The following TNR variants were observed in gnomAD, a reference collection of about 807,000 sequenced individuals.
TNR encodes the protein tenascin-R.
Under a neutral mutation model 150.4 loss-of-function variants are expected in TNR, and 45 were observed. The observed-to-expected ratio is 0.30, with a 90% confidence interval of 0.24 to 0.38. The LOEUF (loss-of-function observed/expected upper bound fraction) is 0.38, where lower values mean the gene tolerates loss of function less well. TNR is among the 10% of genes least tolerant of loss of function. TNR has a pLI of 1.00. For missense variants in TNR, 1,544 were observed against 1,759.1 expected, an observed-to-expected ratio of 0.88 and a Z score of 2.19; for synonymous variants, 687 against 678.4, an observed-to-expected ratio of 1.01 and a Z score of -0.20.
chr1:175,612,145 G>A lies in TNR; in HGVS notation c.-164-83776C>T, dbSNP rs191099367. On this transcript the variant is annotated intron_variant, in intron 1 of 22. Transcript: ENST00000367674. The stretch of plus-strand genomic sequence containing the variant: ...GCAGCCCACAGGTTGGGTTTTTGGG[G>A]GAGCACTGGCCTGGATTCCCTTGCC... 1.3e-3 allele frequency among the ~76,000 whole-genome samples: 197 copies of A among 152,178 alleles called. 1 individual carries two copies. Among genetic ancestry groups the A allele is most frequent in the Admixed American group, 0.011 (167 of 15,286 alleles).
intron 1 of TNR, among the ~76,000 whole-genome samples, chr1:175,687,904 G>C (rs1182618089): frequency 6.6e-6 from 1 of 151,266 alleles, no homozygotes; most frequent in Non-Finnish European, 1.5e-5. Flanking sequence ...CCAGCAAGCT[G>C]GGCGTGAATA....
intron 2 of TNR, among the ~76,000 whole-genome samples, chr1:175,476,865 A>G (rs1387279853): frequency 6.6e-6 from 1 of 152,184 alleles, no homozygotes. Flanking sequence ...ACTCATAACT[A>G]TTGGTCTTTA....
intron 2 of TNR, among the ~76,000 whole-genome samples, chr1:175,511,094 CAG>C (rs2102159242): frequency 6.6e-6 from 1 of 152,298 alleles, no homozygotes; most frequent in East Asian, 1.9e-4. Context: ...CCAACAGAAC[CAG>C]AGTGTGGGCC....
chr1:175,344,368 C>A (rs1340273317), intron 18 of TNR, among the ~76,000 whole-genome samples: 1 of 152,146 alleles, frequency 6.6e-6, no homozygotes, highest in Non-Finnish European at 1.5e-5. Context: ...AGGAAGTTGA[C>A]ACTAATTGGC....
chr1:175,328,113 CACAAAA>C (rs956916339), intron 21 of TNR, among the ~76,000 whole-genome samples: 4 of 152,066 alleles, frequency 2.6e-5, no homozygotes, highest in Non-Finnish European at 5.9e-5. Context: ...ATCTCAAAAA[CACAAAA>C]ACAAAAACAG....
intron 2 of TNR, among the ~76,000 whole-genome samples, chr1:175,505,044 G>GC (rs11409608): frequency 1 from 152,294 of 152,320 alleles, 76,134 homozygotes; most frequent in Middle Eastern, 1. Context: ...GGACTGTGTT[G>GC]GATTCCCGCC....
chr1:175,675,643 C>T (rs1558067496), intron 1 of TNR, among the ~76,000 whole-genome samples: 1 of 152,224 alleles, frequency 6.6e-6, no homozygotes, highest in African/African-American at 2.4e-5. Context: ...TTCATAGGTA[C>T]ATGACCTGAA....
intron 2 of TNR, among the ~76,000 whole-genome samples, chr1:175,459,102 A>C (rs1318198308): frequency 5.4e-5 from 8 of 148,822 alleles, no homozygotes; most frequent in African/African-American, 1.0e-4. Context: ...AATACCACCA[A>C]TATTATTACC....
At chr1:175,722,702 C>T (rs1053345794) in intron 1 of TNR, among the ~76,000 whole-genome samples, 2 of 152,062 alleles carry the variant, frequency 1.3e-5, no homozygotes, top group African/African-American at 2.4e-5. Context: ...TGAGCTCAAG[C>T]AATTTGCCTG....
intron 20 of TNR, among the ~76,000 whole-genome samples, chr1:175,331,835 G>A (rs1038004908): frequency 6.6e-6 from 1 of 152,184 alleles, no homozygotes; most frequent in Non-Finnish European, 1.5e-5. Context: ...TCTGTTTTGC[G>A]GAAGAGGAAG....
chr1:175,602,599 G>A (rs1001922213), intron 1 of TNR, among the ~76,000 whole-genome samples: 1 of 152,212 alleles, frequency 6.6e-6, no homozygotes, highest in African/African-American at 2.4e-5. Flanking sequence ...CTCTTGCATT[G>A]AGGAATAATA....
intron 1 of TNR, among the ~76,000 whole-genome samples, chr1:175,592,410 G>T (rs1236256388): frequency 6.6e-6 from 1 of 152,254 alleles, no homozygotes; most frequent in Non-Finnish European, 1.5e-5. Flanking sequence ...CTTTATGTTG[G>T]TTGTCAGCGG....
chr1:175,411,194 C>T (rs867449629), intron 2 of TNR, among the ~76,000 whole-genome samples: 1 of 152,066 alleles, frequency 6.6e-6, no homozygotes, highest in Non-Finnish European at 1.5e-5. Context: ...ATGAAAGTTA[C>T]CTGGGTGTCA....
chr1:175,417,946 A>G (rs182994750), intron 2 of TNR, among the ~76,000 whole-genome samples: 57 of 152,318 alleles, frequency 3.7e-4, no homozygotes, highest in African/African-American at 1.2e-3. Context: ...AGTGGTCTAA[A>G]TGAGTTATTT....
At chr1:175,356,174 T>C in intron 16 of TNR, 145 bp downstream of exon 16, 1 of 1,136,974 alleles carries the variant, frequency 8.8e-7, no homozygotes, top group Non-Finnish European at 1.2e-6. Context: ...TTTCACTGAA[T>C]TTGGGCTGTA....
At chr1:175,598,734 C>T (rs1344137657) in intron 1 of TNR, among the ~76,000 whole-genome samples, 1 of 152,188 alleles carries the variant, frequency 6.6e-6, no homozygotes, top group East Asian at 1.9e-4. Context: ...ACATCTGACC[C>T]TGCTCCAGAG....
At chr1:175,556,048 G>T (rs993608637) in intron 1 of TNR, among the ~76,000 whole-genome samples, 2 of 152,260 alleles carry the variant, frequency 1.3e-5, no homozygotes, top group Non-Finnish European at 2.9e-5. Context: ...ATTGAGGGCA[G>T]CCAGGGCTGC....
chr1:175,559,223 T>G (rs1475652259), intron 1 of TNR, among the ~76,000 whole-genome samples: 1 of 152,224 alleles, frequency 6.6e-6, no homozygotes, highest in Admixed American at 6.5e-5. Flanking sequence ...TGAAATTAGA[T>G]AGAGTTGGTG....
intron 1 of TNR, among the ~76,000 whole-genome samples, chr1:175,605,349 G>A (rs529819993): frequency 1.6e-4 from 24 of 152,324 alleles, no homozygotes; most frequent in African/African-American, 5.8e-4. Flanking sequence ...GGAGGTCAAT[G>A]TCTAGCACTG....
Sources: allele counts gnomAD v4.1 joint callset (sites outside exome capture counted in the v4.1 genomes callset), GRCh38; gene constraint gnomAD v4.1.1; transcripts MANE v1.5; gene names NCBI Gene and HGNC (gene_info 2026-07-23, HGNC 2026-07-21).